Variants in DSCAML1 observed in about 807,000 individuals in gnomAD.
DSCAML1 encodes DS cell adhesion molecule like 1.
In DSCAML1, 38 loss-of-function variants were observed where a neutral mutation model predicts 200.5. The observed-to-expected ratio is 0.19, with a 90% CI of 0.15 to 0.25. The LOEUF (loss-of-function observed/expected upper bound fraction) is 0.25. Among genes scored for constraint, DSCAML1 ranks in the 10% least tolerant of loss-of-function variants. DSCAML1 has a pLI of 1.00. For synonymous variants in DSCAML1, 1,215 were observed against 1,165.0 expected, an observed-to-expected ratio of 1.04 and a Z score of -0.87; for missense variants, 2,223 against 2,858.8, an observed-to-expected ratio of 0.78 and a Z score of 5.07.
intron 21 of DSCAML1, among the ~76,000 whole-genome samples, chr11:117,442,648 C>T (rs972048274): frequency 1.1e-4 from 17 of 152,134 alleles, no homozygotes; most frequent in African/African-American, 4.1e-4. Context: ...TTTAATGCCC[C>T]CAGGAGAAGA....
At position 117,516,693 on chromosome 11, in the gene DSCAML1, C is replaced by T. The variant is rs2049774406; in HGVS notation, c.1557G>A (p.Gly519=). ...CCCTGCAGTTGATAAGGGTGTCCCGCCCGGCGACTGCTGTGATGTTCCGCA... is the reference window on the plus strand; with the variant it reads ...CCCTGCAGTTGATAAGGGTGTCCCGTCCGGCGACTGCTGTGATGTTCCGCA... ...RAMRNITAVA[G]RDTLINCRVI... Residue 519 remains glycine (G), a synonymous_variant, in exon 8 of 33, where the codon GGG becomes GGA. Coordinates refer to ENST00000651296, the MANE Select transcript of DSCAML1 (RefSeq NM_020693.4). This position sits in a 1 kb window ranked among gnomAD's most constrained non-coding sequence, Gnocchi z 5.7. 1 of 1,613,908 alleles carries T rather than the reference C, an allele frequency of 6.2e-7. No homozygotes were observed. Among genetic ancestry groups the T allele is most frequent in the African/African-American group, 1.3e-5 (1 of 74,918 alleles).
chr11:117,679,517 A>G (rs2053276926), intron 3 of DSCAML1, among the ~76,000 whole-genome samples: 2 of 152,112 alleles, frequency 1.3e-5, no homozygotes, highest in Non-Finnish European at 2.9e-5. Context: ...TTCTCTGACA[A>G]CCTTGGCCAT....
Position 117,430,798 on chromosome 11 carries a change from G to A in DSCAML1, c.5610C>T (p.Thr1870=), listed in dbSNP as rs746457528. The change falls in exon 32 of 33, where the codon ACC becomes ACT. Residue 1870 remains threonine, a synonymous_variant. Transcript: ENST00000651296. ...CATCCTGGGGCTTGGGTGGTGAGGC[G>A]GTAAAGCGGCAGATGCCAGGCTCTG... ...TPSEPGICRF[T]ASPPKPQDAD... 25 of 1,614,010 alleles carry A rather than the reference G, an allele frequency of 1.5e-5. No individual in the cohort carries two copies. The highest frequency in any genetic ancestry group is 4.0e-5 in the African/African-American group (3 of 74,918).
chr11:117,659,050 C>T (rs1312268292), intron 3 of DSCAML1, among the ~76,000 whole-genome samples: 1 of 152,132 alleles, frequency 6.6e-6, no homozygotes, highest in Non-Finnish European at 1.5e-5. Context: ...TTCCTGGTTC[C>T]TAGGTAGTCT....
chr11:117,506,840 C>G (rs538340910), intron 8 of DSCAML1, among the ~76,000 whole-genome samples: 2 of 152,324 alleles, frequency 1.3e-5, no homozygotes, highest in Admixed American at 6.5e-5. Context: ...AGCCACCACA[C>G]CAGGTCCAGA....
chr11:117,428,408 G>A lies in DSCAML1; in HGVS notation c.6082C>T (p.Leu2028Phe). 1 of 1,570,296 alleles carries A rather than the reference G, an allele frequency of 6.4e-7. No individual in the cohort carries two copies. The highest frequency in any genetic ancestry group is 8.6e-7 in the Non-Finnish European group (1 of 1,162,774). Residue 2028 changes from leucine to phenylalanine, a missense_variant, in exon 33 of 33, where the codon CTC becomes TTC. This residue lies in a region of DSCAML1 where 280 missense variants were observed against 213.4 expected (regional missense o/e 1.31). Transcript: ENST00000651296. ...CCTACCCCCGATGTGCTCATCTCGA[G>A]AAGCGAGTCCCTGGAGCCCCCCATT... ...TKMGGSRDSL[L>F]EMSTSGVGRS... is the part of the protein sequence containing the mutation.
At position 117,431,723 on chromosome 11, in the gene DSCAML1, C is replaced by G; in HGVS notation, c.5185G>C (p.Val1729Leu). 1 of 1,577,132 alleles carries G rather than the reference C, an allele frequency of 6.3e-7. No individual in the cohort carries two copies. The highest frequency in any genetic ancestry group is 1.2e-5 in the South Asian group (1 of 85,444). ...GCTGACTTCACATTCTTCCTGGACA[C>G]TGGATCTGCACAGACAGAAGCAAGA... ...MSDIRPGTNP[V>L]SRKNVKSAHS... is the part of the protein sequence containing the mutation. The change falls in exon 31 of 33, where the codon GTG becomes CTG. Residue 1729 changes from valine (V) to leucine (L), a missense_variant. Physicochemically the swap from Val to Leu is conservative, Grantham distance 32 (BLOSUM62 1). Coordinates refer to ENST00000651296, the MANE Select transcript of DSCAML1 (RefSeq NM_020693.4).
chr11:117,524,528 A>G (rs2049939853), intron 5 of DSCAML1, among the ~76,000 whole-genome samples: 1 of 152,184 alleles, frequency 6.6e-6, no homozygotes. Context: ...GGCTGGGACC[A>G]CTTTCCCATT....
chr11:117,674,648 G>A (rs1459267642), intron 3 of DSCAML1, among the ~76,000 whole-genome samples: 3 of 152,150 alleles, frequency 2.0e-5, no homozygotes, highest in Admixed American at 6.5e-5. Flanking sequence ...TGAGGCACCC[G>A]ACTAAGCACC....
chr11:117,570,097 C>T (rs192355439), intron 3 of DSCAML1, among the ~76,000 whole-genome samples: 1 of 146,810 alleles, frequency 6.8e-6, no homozygotes, highest in Non-Finnish European at 1.5e-5. Context: ...TGTGGGAATG[C>T]GGGAATGTGT....
chr11:117,489,038 GTCT>G lies in DSCAML1; in HGVS notation c.2360-6879_2360-6877del, dbSNP rs2049137248. Among the ~76,000 whole-genome samples the G allele has an allele frequency of 6.6e-6, 1 of 152,268 alleles. No individual in the cohort carries two copies. Among genetic ancestry groups the G allele is most frequent in the Non-Finnish European group, 1.5e-5 (1 of 68,048 alleles). ...CTCCCAACAGCAACCACGAAAGCAA[GTCT>G]TATCATCTCCACTTTTCAAATGAGG... On this transcript the variant is annotated intron_variant, in intron 11 of 32. Transcript: ENST00000651296. The surrounding 1 kb of genome is among the most constrained non-coding windows in gnomAD (Gnocchi z 4.8).
intron 15 of DSCAML1, among the ~76,000 whole-genome samples, chr11:117,470,386 T>C (rs995512858): frequency 6.6e-5 from 10 of 152,096 alleles, no homozygotes; most frequent in South Asian, 2.1e-4. Flanking sequence ...CCATCCTGGC[T>C]AACAGGGTGA....
At chr11:117,704,742 A>G (rs908830489) in intron 3 of DSCAML1, among the ~76,000 whole-genome samples, 4 of 152,216 alleles carry the variant, frequency 2.6e-5, no homozygotes, top group African/African-American at 9.7e-5. Context: ...GGAACAATGC[A>G]AGTATTAATA....
intron 3 of DSCAML1, among the ~76,000 whole-genome samples, chr11:117,736,616 T>G (rs112593222): frequency 8.5e-5 from 13 of 152,306 alleles, no homozygotes; most frequent in African/African-American, 3.1e-4. Context: ...TTGGCATCCT[T>G]GGTCTTGCCC....
intron 3 of DSCAML1, among the ~76,000 whole-genome samples, chr11:117,537,663 C>T (rs901833473): frequency 1.3e-5 from 2 of 152,192 alleles, no homozygotes; most frequent in African/African-American, 4.8e-5. Context: ...TTAGATTGAG[C>T]CCTGAGTTCT....
rs118015643 is a variant in DSCAML1 at position 117,634,015 on chromosome 11, C to T, written c.512-101493G>A. ...TAATAACCTATCACATGCCCTGCACCGTGCTGGAGATTGTGGAGGACACAA... is the reference window on the plus strand; with the variant it reads ...TAATAACCTATCACATGCCCTGCACTGTGCTGGAGATTGTGGAGGACACAA... On this transcript the variant is annotated intron_variant, in intron 3 of 32. Transcript: ENST00000651296. 5.1e-3 allele frequency among the ~76,000 whole-genome samples: 780 copies of T among 152,280 alleles called. 4 individuals are homozygous for T. The highest frequency in any genetic ancestry group is 8.3e-3 in the South Asian group (40 of 4,824).
intron 1 of DSCAML1, among the ~76,000 whole-genome samples, chr11:117,793,992 C>T (rs112597814): frequency 0.014 from 2,103 of 151,708 alleles, 28 homozygotes; most frequent in Non-Finnish European, 0.02. Context: ...CCCTAAGTTG[C>T]GTTTGCCATT....
At chr11:117,690,733 T>G (rs1296958858) in intron 3 of DSCAML1, among the ~76,000 whole-genome samples, 1 of 152,216 alleles carries the variant, frequency 6.6e-6, no homozygotes, top group African/African-American at 2.4e-5. Context: ...CAGGTCACAC[T>G]TATTCTTGTT....
chr11:117,465,217 T>G (rs1210988980), intron 16 of DSCAML1, 35 bp from the exon 17 acceptor site: 1 of 1,606,732 alleles, frequency 6.2e-7, no homozygotes, highest in Non-Finnish European at 8.5e-7. Context: ...CACAAAGAAA[T>G]GGCAACACGC....
Sources: allele counts gnomAD v4.1 joint callset (sites outside exome capture counted in the v4.1 genomes callset), GRCh38; gene constraint gnomAD v4.1.1; regional missense constraint gnomAD v4.1.1; non-coding constraint Gnocchi (gnomAD v3.1); transcripts MANE v1.5; gene names NCBI Gene and HGNC (gene_info 2026-07-23, HGNC 2026-07-21).